Variants in TAFA4 observed in about 807,000 individuals in gnomAD.
TAFA4 encodes TAFA chemokine like family member 4, also known as chemokine-like protein TAFA-4.
A neutral mutation model predicts 21.1 loss-of-function variants in TAFA4; 20 were observed. The observed-to-expected ratio is 0.95, with a 90% CI of 0.67 to 1.38. The LOEUF (loss-of-function observed/expected upper bound fraction) is 1.38. TAFA4 is among the 40% of genes most tolerant of loss of function. The pLI, the probability that TAFA4 is intolerant of heterozygous loss-of-function variation, is 0.00. For synonymous variants in TAFA4, 71 were observed against 67.4 expected (o/e 1.05, Z -0.26); for missense variants, 211 against 180.9 (o/e 1.17, Z -0.95).
intron 3 of TAFA4, among the ~76,000 whole-genome samples, chr3:68,774,984 A>C (rs1027539599): frequency 1.3e-5 from 2 of 152,250 alleles, no homozygotes; most frequent in Admixed American, 1.3e-4. Context: ...AGGCTAGATA[A>C]TGTACAAAAT....
intron 3 of TAFA4, among the ~76,000 whole-genome samples, chr3:68,756,099 C>G (rs533798327): frequency 3.9e-5 from 6 of 152,348 alleles, no homozygotes; most frequent in Non-Finnish European, 8.8e-5. Context: ...AAGCCACTCC[C>G]AGATTGCTGG....
chr3:68,779,459 G>A (rs914082887), intron 3 of TAFA4, among the ~76,000 whole-genome samples: 1 of 152,132 alleles, frequency 6.6e-6, no homozygotes, highest in South Asian at 2.1e-4. Context: ...AGGCCTGGAG[G>A]TTTAGGAGGA....
intron 4 of TAFA4, among the ~76,000 whole-genome samples, chr3:68,742,255 A>T (rs1448555144): frequency 6.6e-6 from 1 of 152,260 alleles, no homozygotes; most frequent in Non-Finnish European, 1.5e-5. Flanking sequence ...ATGGATATCT[A>T]CGCTCACCAT....
intron 3 of TAFA4, among the ~76,000 whole-genome samples, chr3:68,875,976 GAAATA>G (rs1168290124): frequency 6.6e-6 from 1 of 151,048 alleles, no homozygotes; most frequent in Non-Finnish European, 1.5e-5. Flanking sequence ...GAAATTAAGT[GAAATA>G]AAGAGAGATA....
chr3:68,779,563 A>C (rs1703115110), intron 3 of TAFA4, among the ~76,000 whole-genome samples: 1 of 152,154 alleles, frequency 6.6e-6, no homozygotes, highest in Non-Finnish European at 1.5e-5. Context: ...CCATGACTCA[A>C]GGGGCCAAAG....
At chr3:68,922,321 A>C (rs2090067451) in intron 1 of TAFA4, among the ~76,000 whole-genome samples, 1 of 152,316 alleles carries the variant, frequency 6.6e-6, no homozygotes, top group East Asian at 1.9e-4. Context: ...CTGTTTTAAC[A>C]AGCCTTCCAG....
intron 4 of TAFA4, among the ~76,000 whole-genome samples, chr3:68,746,094 A>G (rs1702452152): frequency 6.6e-6 from 1 of 151,726 alleles, no homozygotes; most frequent in Admixed American, 6.6e-5. Context: ...CAAACATTAG[A>G]CTCCAAGTTC....
chr3:68,863,910 T>C, intron 3 of TAFA4, among the ~76,000 whole-genome samples: 1 of 152,092 alleles, frequency 6.6e-6, no homozygotes, highest in East Asian at 1.9e-4. Context: ...GAGCACTTTT[T>C]TACCTACTAA....
At chr3:68,801,629 T>C (rs1005278397) in intron 3 of TAFA4, among the ~76,000 whole-genome samples, 3 of 152,230 alleles carry the variant, frequency 2.0e-5, no homozygotes, top group Non-Finnish European at 4.4e-5. Context: ...CTTATCACCA[T>C]AATCTGGCTC....
At chr3:68,810,829 T>C (rs991167522) in intron 3 of TAFA4, among the ~76,000 whole-genome samples, 4 of 152,126 alleles carry the variant, frequency 2.6e-5, no homozygotes, top group African/African-American at 9.7e-5. Context: ...GAGTAGTGGT[T>C]CTCCCAGCAC....
At chr3:68,872,976 A>G (rs1463904243) in intron 3 of TAFA4, among the ~76,000 whole-genome samples, 3 of 152,104 alleles carry the variant, frequency 2.0e-5, no homozygotes, top group African/African-American at 7.2e-5. Context: ...TGGTAAATAT[A>G]TTTACACCAT....
rs1351951822 is a variant in TAFA4 at position 68,880,710 on chromosome 3, A to C, written c.130+20T>G. On this transcript the variant is annotated intron_variant, in intron 3 of 5. Transcript: ENST00000295569. ...GGGTTTTATTATCTCAGCAGTGCAT[A>C]ATGAGCTTAAAGGGCTTACCTGCAT... The C allele has an allele frequency of 1.2e-6, 2 of 1,605,184 alleles. No homozygotes were observed. Among genetic ancestry groups the C allele is most frequent in the South Asian group, 2.2e-5 (2 of 90,896 alleles).
At chr3:68,838,845 C>G (rs185898628) in intron 3 of TAFA4, among the ~76,000 whole-genome samples, 2 of 152,182 alleles carry the variant, frequency 1.3e-5, no homozygotes, top group African/African-American at 4.8e-5. Context: ...GCCTCTAATC[C>G]CAGCACTTTG....
At position 68,739,721 on chromosome 3, in the gene TAFA4, AG is replaced by A. The variant is rs75773398; in HGVS notation, c.287-523del. On this transcript the variant is annotated intron_variant, in intron 4 of 5. Coordinates refer to ENST00000295569, the MANE Select transcript of TAFA4 (RefSeq NM_182522.5). ...AAGAGAATGAAATCCTGTCTTTTAC[AG>A]CACCATGGATGGAACTGGAGATCAT... Among the ~76,000 whole-genome samples, 148 of 152,366 alleles carry A rather than the reference AG, an allele frequency of 9.7e-4. No homozygotes were observed. The East Asian group carries it at 0.024, about 25-fold the overall frequency.
rs1264735504 is a variant in TAFA4, at chr3:68,732,834, T to C, written c.*308A>G. 2.8e-6 allele frequency: 1 copy of C among 355,576 alleles called. No homozygotes were observed. The highest frequency in any genetic ancestry group is 2.1e-5 in the African/African-American group (1 of 48,060). The allele number at this position is 355,576 out of a possible 1,614,324, so 22.0% of individuals were successfully genotyped here. On this transcript the variant is annotated 3_prime_UTR_variant, in exon 6 of 6. Coordinates refer to ENST00000295569, the MANE Select transcript of TAFA4 (RefSeq NM_182522.5). ...GCAGAAAGAAAGTGAAGAATGAACA[T>C]GCCCTTAGTGGTGATCCATTTTGAA...
intron 3 of TAFA4, among the ~76,000 whole-genome samples, chr3:68,853,992 T>C (rs1705007103): frequency 6.6e-6 from 1 of 152,188 alleles, no homozygotes; most frequent in Non-Finnish European, 1.5e-5. Context: ...AGGAAAATCC[T>C]CTTTCAATGA....
intron 3 of TAFA4, among the ~76,000 whole-genome samples, chr3:68,839,631 A>T (rs1352251261): frequency 1.3e-5 from 2 of 152,148 alleles, no homozygotes; most frequent in East Asian, 3.9e-4. Context: ...GTCTCTTAAA[A>T]AATCATTCAA....
At chr3:68,894,752 C>T (rs2089769115) in intron 1 of TAFA4, among the ~76,000 whole-genome samples, 1 of 152,136 alleles carries the variant, frequency 6.6e-6, no homozygotes, top group African/African-American at 2.4e-5. Flanking sequence ...CTGGGGACTG[C>T]TGTAATCCAG....
intron 3 of TAFA4, among the ~76,000 whole-genome samples, chr3:68,759,049 C>G (rs1702712734): frequency 6.6e-6 from 1 of 152,160 alleles, no homozygotes; most frequent in South Asian, 2.1e-4. Context: ...GGTGTCATTC[C>G]CATCTGAAGG....
Sources: gnomAD v4.1 joint callset for allele counts (sites outside exome capture counted in the v4.1 genomes callset) on GRCh38, gnomAD v4.1.1 for gene constraint, MANE v1.5 for transcripts, NCBI Gene and HGNC (gene_info 2026-07-23, HGNC 2026-07-21) for gene names.